The following PAPPA variants were observed in gnomAD, a reference collection of about 807,000 sequenced individuals.
PAPPA encodes pappalysin 1.
Under a neutral mutation model 164.0 loss-of-function variants are expected in PAPPA, and 60 were observed. That is an observed-to-expected ratio of 0.37 (90% CI 0.30 to 0.45). The LOEUF (loss-of-function observed/expected upper bound fraction) is 0.45, where lower values mean the gene tolerates loss of function less well. Ranked by LOEUF, PAPPA falls within the 20% of genes least tolerant of loss-of-function variation. The pLI, the probability that PAPPA is intolerant of heterozygous loss-of-function variation, is 1.00. For missense variants in PAPPA, 1,782 were observed against 2,087.3 expected, an observed-to-expected ratio of 0.85 and a Z score of 2.85; for synonymous variants, 875 against 814.1, an observed-to-expected ratio of 1.07 and a Z score of -1.27.
At position 116,271,563 on chromosome 9, in the gene PAPPA, G is replaced by A; in HGVS notation, c.2953+147G>A. The A allele has an allele frequency of 1.5e-6, 1 of 648,380 alleles. No individual in the cohort carries two copies. The highest frequency in any genetic ancestry group is 1.9e-5 in the South Asian group (1 of 53,748). 40.2% of individuals were successfully genotyped at this position (648,380 alleles called of 1,614,324 possible). A position where few individuals can be genotyped will look rare whatever the true frequency, so the allele number is the denominator to read the frequency against. On this transcript the variant is annotated intron_variant, in intron 9 of 21. Transcript: ENST00000328252. This position sits in a 1 kb window ranked among gnomAD's most constrained non-coding sequence, Gnocchi z 4.2. ...TTTATTGAGTGCCTCCTACATGCCA[G>A]GCACTGTTTTCAATATCGGGAAATA... is the stretch of plus-strand genomic sequence containing the variant.
At chr9:116,344,752 G>A (rs750158750) in intron 14 of PAPPA, 41 bp downstream of exon 14, 7 of 1,580,444 alleles carry the variant, frequency 4.4e-6, no homozygotes, top group Non-Finnish European at 4.3e-6. Context: ...CTGCAGCCCA[G>A]GGAAGGCTTA....
chr9:116,392,421 T>C (rs972548397), intron 21 of PAPPA, among the ~76,000 whole-genome samples: 2 of 152,180 alleles, frequency 1.3e-5, no homozygotes, highest in African/African-American at 2.4e-5. Flanking sequence ...ATCTGCAAGA[T>C]GGGGAGCTAA....
chr9:116,365,270 G>A (rs1447389724), intron 18 of PAPPA, among the ~76,000 whole-genome samples: 1 of 152,106 alleles, frequency 6.6e-6, no homozygotes, highest in African/African-American at 2.4e-5. Context: ...AGGCCACCTG[G>A]GGAGGCTTCT....
At chr9:116,323,858 T>C (rs138121943) in intron 10 of PAPPA, among the ~76,000 whole-genome samples, 106 of 152,300 alleles carry the variant, frequency 7.0e-4, no homozygotes, top group Middle Eastern at 3.4e-3. Context: ...TGGAGATGAA[T>C]TCATCTTACT....
chr9:116,313,858 A>G (rs1219127504), intron 10 of PAPPA, among the ~76,000 whole-genome samples: 1 of 152,084 alleles, frequency 6.6e-6, no homozygotes, highest in Non-Finnish European at 1.5e-5. Flanking sequence ...AGAGTACTTC[A>G]CATGCCAGGG....
chr9:116,373,085 T>C (rs1846596551), intron 19 of PAPPA: 1 of 152,120 alleles, frequency 6.6e-6, no homozygotes, highest in Admixed American at 6.5e-5. Flanking sequence ...CCCTGCCGAG[T>C]GTCTAAAGGT....
In PAPPA at chr9:116,154,514, G is replaced by A. The variant is rs1316879733; in HGVS notation, c.342G>A (p.Leu114=). ...EQLRLRADLE[L]PRDAFTLQVW... ...TGCGCCTCCGGGCCGACCTCGAGCT[G>A]CCCCGGGACGCGTTCACGCTGCAAG... is the stretch of plus-strand genomic sequence containing the variant. The change falls in exon 1 of 22, where the codon CTG becomes CTA. Residue 114 remains leucine (L), a synonymous_variant. Transcript: ENST00000328252. This position sits in a 1 kb window ranked among gnomAD's most constrained non-coding sequence, Gnocchi z 5.2. 7.9e-6 allele frequency: 11 copies of A among 1,395,200 alleles called. No individual in the cohort carries two copies. The highest frequency in any genetic ancestry group is 1.0e-5 in the Non-Finnish European group (11 of 1,072,722). 86.4% of individuals were successfully genotyped at this position (1,395,200 alleles called of 1,614,324 possible).
chr9:116,347,248 C>T lies in PAPPA; in HGVS notation c.3964+39C>T. 6.4e-7 allele frequency: 1 copy of T among 1,551,938 alleles called. No homozygotes were observed. The highest frequency in any genetic ancestry group is 8.7e-7 in the Non-Finnish European group (1 of 1,144,484). On this transcript the variant is annotated intron_variant, in intron 15 of 21. Transcript: ENST00000328252. The surrounding 1 kb of genome is among the most constrained non-coding windows in gnomAD (Gnocchi z 4.5). Reference sequence around the variant, plus strand: ...CTTCCCCAGCTCAGCCTTCCTTTGTCTATGGGAAACCTAGAAGCTGCATCC... The same window carrying T: ...CTTCCCCAGCTCAGCCTTCCTTTGTTTATGGGAAACCTAGAAGCTGCATCC...
At chr9:116,358,061 G>C (rs563346949) in intron 17 of PAPPA, among the ~76,000 whole-genome samples, 1 of 152,220 alleles carries the variant, frequency 6.6e-6, no homozygotes, top group African/African-American at 2.4e-5. Flanking sequence ...TTTCATTTCC[G>C]GGTTGTTAAA....
At chr9:116,233,341 T>C (rs1416774870) in intron 6 of PAPPA, among the ~76,000 whole-genome samples, 2 of 152,210 alleles carry the variant, frequency 1.3e-5, no homozygotes, top group Non-Finnish European at 2.9e-5. Context: ...TGAAGTTGAC[T>C]GAATGAATAA....
At position 116,400,776 on chromosome 9, in the gene PAPPA, A is replaced by T. The variant is rs766368308; in HGVS notation, c.*4160A>T. 7.9e-5 allele frequency: 12 copies of T among 152,544 alleles called. No homozygotes were observed. Among genetic ancestry groups the T allele is most frequent in the Non-Finnish European group, 2.9e-5 (2 of 68,038 alleles). The allele number at this position is 152,544 out of a possible 1,614,324, so 9.4% of individuals were successfully genotyped here. A position where few individuals can be genotyped will look rare whatever the true frequency, so the allele number is the denominator to read the frequency against. On this transcript the variant is annotated 3_prime_UTR_variant, in exon 22 of 22. Transcript: ENST00000328252. ...TCCTACCAATCACTTGCTTTTTAAA[A>T]GAAATGTATAATAGCCAAAAGAGAA...
At chr9:116,292,437 C>T (rs1170128047) in intron 9 of PAPPA, among the ~76,000 whole-genome samples, 2 of 151,896 alleles carry the variant, frequency 1.3e-5, no homozygotes, top group Non-Finnish European at 1.5e-5. Context: ...TTAAATATCC[C>T]AGGGAAAAGG....
intron 10 of PAPPA, among the ~76,000 whole-genome samples, chr9:116,323,176 C>G (rs1005952732): frequency 6.6e-6 from 1 of 152,116 alleles, no homozygotes; most frequent in African/African-American, 2.4e-5. Flanking sequence ...AGCAAGACAT[C>G]GTTAACTCCT....
chr9:116,388,182 A>C (rs1360280167), intron 21 of PAPPA, among the ~76,000 whole-genome samples: 1 of 152,134 alleles, frequency 6.6e-6, no homozygotes, highest in Non-Finnish European at 1.5e-5. Context: ...TCTGTCTGAC[A>C]GGGGTGTCCA....
intron 5 of PAPPA, among the ~76,000 whole-genome samples, chr9:116,222,669 A>T (rs1844460160): frequency 6.6e-6 from 1 of 152,136 alleles, no homozygotes; most frequent in African/African-American, 2.4e-5. Flanking sequence ...TAGAAAGTAG[A>T]ATGATGACCA....
intron 11 of PAPPA, among the ~76,000 whole-genome samples, chr9:116,331,708 C>T (rs998945747): frequency 5.3e-5 from 8 of 152,150 alleles, no homozygotes; most frequent in Non-Finnish European, 1.0e-4. Flanking sequence ...CATGTTTGGT[C>T]GCTTGTTGGA....
At chr9:116,320,692 C>A (rs181187221) in intron 10 of PAPPA, among the ~76,000 whole-genome samples, 5 of 152,122 alleles carry the variant, frequency 3.3e-5, no homozygotes, top group Admixed American at 3.3e-4. Flanking sequence ...CTGGCTCCCC[C>A]CTCTCTTTTT....
At chr9:116,156,348 G>GTATATA (rs746877150) in intron 1 of PAPPA, among the ~76,000 whole-genome samples, 3,829 of 117,002 alleles carry the variant, frequency 0.033, 192 homozygotes, top group African/African-American at 0.11. Flanking sequence ...ATATATATAT[G>GTATATA]TATATATATA....
At chr9:116,392,098 T>A (rs1253724175) in intron 21 of PAPPA, among the ~76,000 whole-genome samples, 3 of 152,162 alleles carry the variant, frequency 2.0e-5, no homozygotes, top group Admixed American at 2.0e-4. Context: ...AAAATGGGGA[T>A]AGTAAGAATA....
Sources: gnomAD v4.1 joint callset for allele counts (sites outside exome capture counted in the v4.1 genomes callset) on GRCh38, gnomAD v4.1.1 for gene constraint, Gnocchi (gnomAD v3.1) non-coding constraint, MANE v1.5 for transcripts, NCBI Gene and HGNC (gene_info 2026-07-23, HGNC 2026-07-21) for gene names.